Variants in GCNT2 observed in about 807,000 individuals in gnomAD.
The protein encoded by GCNT2 is N-acetyllactosaminide beta-1,6-N-acetylglucosaminyl-transferase.
GCNT2 carries 34 observed loss-of-function variants against 34.2 expected under a neutral mutation model. The ratio of observed to expected loss-of-function variants is 1.00; its 90% CI spans 0.76 to 1.32. The LOEUF (loss-of-function observed/expected upper bound fraction) is 1.32. GCNT2 is among the 40% of genes most tolerant of loss of function. The pLI is 0.00. For synonymous variants in GCNT2, 212 were observed against 188.0 expected, an observed-to-expected ratio of 1.13 and a Z score of -1.04; for missense variants, 584 against 489.4, an observed-to-expected ratio of 1.19 and a Z score of -1.82.
intron 3 of GCNT2, among the ~76,000 whole-genome samples, chr6:10,552,238 G>C (rs769890082): frequency 1.4e-4 from 21 of 151,530 alleles, no homozygotes; most frequent in Non-Finnish European, 2.5e-4. Flanking sequence ...TGTTGTTTTA[G>C]TTAAAGATGT....
intron 3 of GCNT2, chr6:10,619,384 G>C (rs1173380829): frequency 1.3e-5 from 2 of 152,038 alleles, no homozygotes; most frequent in Non-Finnish European, 2.9e-5. Flanking sequence ...GTGTCTTTCT[G>C]TGTTGCCTAG....
At chr6:10,565,572 A>G (rs1180727704) in intron 3 of GCNT2, among the ~76,000 whole-genome samples, 3 of 152,154 alleles carry the variant, frequency 2.0e-5, no homozygotes, top group East Asian at 1.9e-4. Context: ...ACACTACCCT[A>G]TAAAATCTCC....
At chr6:10,622,672 G>T (rs1227814208) in intron 4 of GCNT2, among the ~76,000 whole-genome samples, 2 of 147,484 alleles carry the variant, frequency 1.4e-5, no homozygotes, top group Non-Finnish European at 3.0e-5. Flanking sequence ...ATCAATGAAT[G>T]AATGACAATA....
chr6:10,581,776 T>C, intron 3 of GCNT2: 3 of 985,170 alleles, frequency 3.0e-6, no homozygotes, highest in African/African-American at 1.7e-5. Flanking sequence ...GACCTTTGCC[T>C]CTCTTTTCTC....
At position 10,537,724 on chromosome 6, in the gene GCNT2, AAACAAAAC is replaced by A. The variant is rs1761837115; in HGVS notation, c.925+7891_925+7898del. On this transcript the variant is annotated intron_variant, in intron 3 of 4. Coordinates refer to ENST00000495262, the MANE Select transcript of GCNT2 (RefSeq NM_145649.5). Reference sequence around the variant, plus strand: ...AAAAAAAAAAAAAAAAAAAAAAAAAAAACAAAACAAAGAAAACGAAAGAAAATGCATTT... The same window carrying A: ...AAAAAAAAAAAAAAAAAAAAAAAAAAAAAGAAAACGAAAGAAAATGCATTT... Among the ~76,000 whole-genome samples, 11 of 130,960 alleles carry A rather than the reference AAACAAAAC, an allele frequency of 8.4e-5. 1 individual carries two copies. Among genetic ancestry groups the A allele is most frequent in the Non-Finnish European group, 1.7e-5 (1 of 58,310 alleles). The allele number at this position is 130,960 out of a possible 152,430, so 85.9% of individuals were successfully genotyped here.
chr6:10,530,235 C>T, intron 3 of GCNT2: 1 of 185,528 alleles, frequency 5.4e-6, no homozygotes, highest in South Asian at 9.4e-5. Context: ...CGTGGTGGTG[C>T]ATGCCTGCAA....
Position 10,571,642 on chromosome 6 carries a change from C to T in GCNT2, c.925+41806C>T, listed in dbSNP as rs139537740. 3.2e-3 allele frequency among the ~76,000 whole-genome samples: 482 copies of T among 152,230 alleles called. 3 individuals are homozygous for T. Among genetic ancestry groups the T allele is most frequent in the Non-Finnish European group, 5.8e-3 (393 of 68,016 alleles). ...TGCTGGGATTACAGGTGTGTGCCACCGCACCAAGCCCTATAGTAGAAATTA... is the reference window on the plus strand; with the variant it reads ...TGCTGGGATTACAGGTGTGTGCCACTGCACCAAGCCCTATAGTAGAAATTA... On this transcript the variant is annotated intron_variant, in intron 3 of 4. Transcript: ENST00000495262.
intron 3 of GCNT2, among the ~76,000 whole-genome samples, chr6:10,606,782 A>T (rs1037611650): frequency 6.6e-6 from 1 of 151,950 alleles, no homozygotes; most frequent in Non-Finnish European, 1.5e-5. Context: ...AAAAATCATC[A>T]CTAAACTCAA....
At chr6:10,550,216 G>T (rs1376769118) in intron 3 of GCNT2, among the ~76,000 whole-genome samples, 1 of 151,986 alleles carries the variant, frequency 6.6e-6, no homozygotes, top group East Asian at 1.9e-4. Flanking sequence ...ACCATGCCTG[G>T]CTAATTTTTG....
At chr6:10,581,787 A>C (rs1028146697) in intron 3 of GCNT2, 3 of 984,866 alleles carry the variant, frequency 3.0e-6, no homozygotes, top group Non-Finnish European at 3.6e-6. Context: ...CTCTTTTCTC[A>C]CTCCAACTTT....
At chr6:10,550,490 A>AATTATT (rs533906870) in intron 3 of GCNT2, among the ~76,000 whole-genome samples, 1 of 151,654 alleles carries the variant, frequency 6.6e-6, no homozygotes, top group African/African-American at 2.4e-5. Context: ...CCAAAATGCA[A>AATTATT]ATTATTATTA....
At chr6:10,595,418 T>C (rs1581461737) in intron 3 of GCNT2, among the ~76,000 whole-genome samples, 1 of 151,968 alleles carries the variant, frequency 6.6e-6, no homozygotes, top group African/African-American at 2.4e-5. Flanking sequence ...GCTGGGACTA[T>C]AGGTGCCCGC....
At chr6:10,625,589 A>G (rs1247937053) in intron 4 of GCNT2, among the ~76,000 whole-genome samples, 1 of 152,192 alleles carries the variant, frequency 6.6e-6, no homozygotes, top group Non-Finnish European at 1.5e-5. Context: ...GCAGAGGTGC[A>G]AAGTAGGCAC....
chr6:10,588,051 C>G (rs1319353966), intron 3 of GCNT2, among the ~76,000 whole-genome samples: 1 of 152,186 alleles, frequency 6.6e-6, no homozygotes, highest in Non-Finnish European at 1.5e-5. Flanking sequence ...AGACTCAATG[C>G]AGAAAGGTCC....
chr6:10,593,168 T>C (rs1284742603), intron 3 of GCNT2, among the ~76,000 whole-genome samples: 1 of 152,194 alleles, frequency 6.6e-6, no homozygotes, highest in Non-Finnish European at 1.5e-5. Context: ...ACAATCATGA[T>C]TGGTAAACAT....
At chr6:10,526,396 C>T (rs1313389884) in intron 1 of GCNT2, among the ~76,000 whole-genome samples, 3 of 151,992 alleles carry the variant, frequency 2.0e-5, no homozygotes, top group Non-Finnish European at 4.4e-5. Context: ...GGTTGGCTGC[C>T]GTCTCAATGT....
At chr6:10,522,555 C>T (rs1254044295) in intron 1 of GCNT2, among the ~76,000 whole-genome samples, 2 of 152,100 alleles carry the variant, frequency 1.3e-5, no homozygotes, top group East Asian at 3.8e-4. Flanking sequence ...GCCCTGGGGA[C>T]CCTACAGCGT....
chr6:10,611,312 T>C (rs985809253), intron 3 of GCNT2, among the ~76,000 whole-genome samples: 12 of 149,578 alleles, frequency 8.0e-5, no homozygotes, highest in Admixed American at 2.0e-4. Flanking sequence ...GAAACAAATA[T>C]ATACTTTTAA....
intron 3 of GCNT2, among the ~76,000 whole-genome samples, chr6:10,610,075 A>G (rs1765484678): frequency 6.6e-6 from 1 of 152,226 alleles, no homozygotes; most frequent in African/African-American, 2.4e-5. Flanking sequence ...GCAGGCAATT[A>G]CAGTCTTCTT....
Sources: allele counts gnomAD v4.1 joint callset (sites outside exome capture counted in the v4.1 genomes callset), GRCh38; gene constraint gnomAD v4.1.1; transcripts MANE v1.5; gene names NCBI Gene and HGNC (gene_info 2026-07-23, HGNC 2026-07-21).